The following JMY variants were observed in gnomAD, a reference collection of about 807,000 sequenced individuals.
The protein encoded by JMY is junction mediating and regulatory protein, p53 cofactor, also known as junction-mediating and -regulatory protein.
JMY carries 46 observed loss-of-function variants against 103.3 expected under a neutral mutation model. The ratio of observed to expected loss-of-function variants is 0.45; its 90% CI spans 0.35 to 0.57. The LOEUF (loss-of-function observed/expected upper bound fraction) is 0.57, where lower values mean the gene tolerates loss of function less well. Ranked by LOEUF, JMY falls within the 20% of genes least tolerant of loss-of-function variation. JMY has a pLI of 0.00. For synonymous variants in JMY, 526 were observed against 489.3 expected, an observed-to-expected ratio of 1.07 and a Z score of -0.99; for missense variants, 1,238 against 1,255.2, an observed-to-expected ratio of 0.99 and a Z score of 0.21.
intron 1 of JMY, among the ~76,000 whole-genome samples, chr5:79,262,211 C>G (rs1201908052): frequency 6.6e-6 from 1 of 152,194 alleles, no homozygotes; most frequent in African/African-American, 2.4e-5. Flanking sequence ...ATGCATCTTT[C>G]ACATTTTAGG....
Position 79,300,680 on chromosome 5 carries a change from A to G in JMY, c.1698A>G (p.Lys566=). The G allele has an allele frequency of 6.3e-7, 1 of 1,588,746 alleles. No homozygotes were observed. The highest frequency in any genetic ancestry group is 1.2e-5 in the South Asian group (1 of 85,762). ...TTTTTTGCTGTTCTGTAACAGAAAA[A>G]AGAGATGAAGTGGTATACTATGACA... ...LESIKRLISE[K]RDEVVYYDTY... Residue 566 remains lysine, a synonymous_variant, in exon 6 of 11, where the codon AAA becomes AAG. Transcript: ENST00000396137.
At chr5:79,254,516 A>G (rs1026385346) in intron 1 of JMY, among the ~76,000 whole-genome samples, 9 of 152,324 alleles carry the variant, frequency 5.9e-5, no homozygotes, top group Middle Eastern at 3.4e-3. Context: ...GTCTGCTACC[A>G]GATGTATTGG....
intron 1 of JMY, among the ~76,000 whole-genome samples, chr5:79,239,651 A>G (rs999385799): frequency 1.3e-5 from 2 of 151,946 alleles, no homozygotes; most frequent in Non-Finnish European, 2.9e-5. Flanking sequence ...CTAAAAATAC[A>G]AAAGAAAAAA....
Position 79,236,843 on chromosome 5 carries a change from C to T in JMY, c.193C>T (p.Arg65Ter). 1 of 1,450,614 alleles carries T rather than the reference C, an allele frequency of 6.9e-7. No homozygotes were observed. Among genetic ancestry groups the T allele is most frequent in the Non-Finnish European group, 9.1e-7 (1 of 1,095,796 alleles). The allele number at this position is 1,450,614 out of a possible 1,614,324, so 89.9% of individuals were successfully genotyped here. The change falls in exon 1 of 11, where the codon CGA becomes TGA. Residue 65 changes from arginine to a stop codon, truncating the protein, a stop_gained. Transcript: ENST00000396137. LOFTEE classifies it high-confidence loss of function. ...RSGSREQAGA[R>*]GGAEAGGAAS... The stretch of plus-strand genomic sequence containing the variant: ...CGGCTCCCGGGAGCAAGCGGGGGCG[C>T]GAGGGGGCGCCGAGGCCGGCGGAGC...
At chr5:79,239,821 AGAAAAG>A (rs372188153) in intron 1 of JMY, among the ~76,000 whole-genome samples, 11 of 150,498 alleles carry the variant, frequency 7.3e-5, no homozygotes, top group African/African-American at 2.4e-4. Context: ...AAAAAAAAAA[AGAAAAG>A]AAAAAGAAAA....
At chr5:79,257,653 G>A (rs1390370339) in intron 1 of JMY, among the ~76,000 whole-genome samples, 2 of 152,128 alleles carry the variant, frequency 1.3e-5, no homozygotes, top group Non-Finnish European at 2.9e-5. Flanking sequence ...AAATCAAAGA[G>A]GCTTTATGTT....
intron 2 of JMY, among the ~76,000 whole-genome samples, chr5:79,280,959 A>C (rs1746088470): frequency 6.6e-6 from 1 of 151,768 alleles, no homozygotes; most frequent in African/African-American, 2.4e-5. Flanking sequence ...AGCAAGTATA[A>C]TTGATTAGCA....
At position 79,322,779 on chromosome 5, in the gene JMY, AT is replaced by A. The variant is rs1747500345; in HGVS notation, c.*1178del. The A allele has an allele frequency of 6.6e-6, 1 of 152,208 alleles. No homozygotes were observed. The highest frequency in any genetic ancestry group is 1.5e-5 in the Non-Finnish European group (1 of 68,038). The allele number at this position is 152,208 out of a possible 1,614,324, so 9.4% of individuals were successfully genotyped here. Reference sequence around the variant, plus strand: ...TTGTTGTGGGCTTGAATACATGTAGATCATTGGACTCAGTGTGCAGTACCCT... The same window carrying A: ...TTGTTGTGGGCTTGAATACATGTAGACATTGGACTCAGTGTGCAGTACCCT... On this transcript the variant is annotated 3_prime_UTR_variant, in exon 11 of 11. Coordinates refer to ENST00000396137, the MANE Select transcript of JMY (RefSeq NM_152405.5).
chr5:79,243,681 A>G (rs1488404716), intron 1 of JMY, among the ~76,000 whole-genome samples: 1 of 152,212 alleles, frequency 6.6e-6, no homozygotes, highest in Non-Finnish European at 1.5e-5. Context: ...AGAATAATGA[A>G]ACTAAGTGAA....
chr5:79,272,800 A>G (rs951460031), intron 1 of JMY, among the ~76,000 whole-genome samples: 1 of 152,052 alleles, frequency 6.6e-6, no homozygotes, highest in Non-Finnish European at 1.5e-5. Flanking sequence ...TGCTTGGCTA[A>G]TTTTTGTATT....
chr5:79,250,650 C>CTTTTTTTTTTTTTT, intron 1 of JMY, among the ~76,000 whole-genome samples: 1 of 122,738 alleles, frequency 8.1e-6, no homozygotes, highest in Non-Finnish European at 1.7e-5. Context: ...AATTATTTTT[C>CTTTTTTTTTTTTTT]TTTTTTTTTT....
chr5:79,303,963 A>G (rs1037288116), intron 6 of JMY, among the ~76,000 whole-genome samples: 1 of 152,214 alleles, frequency 6.6e-6, no homozygotes, highest in Non-Finnish European at 1.5e-5. Flanking sequence ...CTTGGTGACC[A>G]TGGCCCACAG....
In JMY at chr5:79,316,214, G is replaced by A; in HGVS notation, c.2874G>A (p.Arg958=). 3.1e-6 allele frequency: 5 copies of A among 1,614,092 alleles called. No homozygotes were observed. The highest frequency in any genetic ancestry group is 4.2e-6 in the Non-Finnish European group (5 of 1,179,984). Residue 958 remains arginine (R), a synonymous_variant, in exon 10 of 11, where the codon CGG becomes CGA. Coordinates refer to ENST00000396137, the MANE Select transcript of JMY (RefSeq NM_152405.5). Reference sequence around the variant, plus strand: ...TACCCGATACAGACCCTCTAACACGGAGCATCCATGAAGCTCTTAGAAGAA... The same window carrying A: ...TACCCGATACAGACCCTCTAACACGAAGCATCCATGAAGCTCTTAGAAGAA... ...TLLPDTDPLT[R]SIHEALRRIK... is the part of the protein sequence containing the mutation.
intron 1 of JMY, among the ~76,000 whole-genome samples, chr5:79,277,103 TCTAAAAGAACC>T (rs978318917): frequency 1.3e-5 from 2 of 152,088 alleles, no homozygotes; most frequent in African/African-American, 4.8e-5. Context: ...ATTCTTTGTC[TCTAAAAGAACC>T]ATGGGGAAAA....
At chr5:79,263,841 A>G (rs1431422021) in intron 1 of JMY, among the ~76,000 whole-genome samples, 1 of 150,802 alleles carries the variant, frequency 6.6e-6, no homozygotes, top group Non-Finnish European at 1.5e-5. Context: ...CTTGTCGCCC[A>G]GGCTGGAGTG....
At chr5:79,300,070 C>T (rs1746686199) in intron 4 of JMY, 83 bp from the exon 5 acceptor site, 4 of 1,096,602 alleles carry the variant, frequency 3.6e-6, no homozygotes, top group Non-Finnish European at 5.5e-6. Context: ...TTTATGCTAT[C>T]TGATTAGTAT....
intron 1 of JMY, among the ~76,000 whole-genome samples, chr5:79,258,334 A>T: frequency 8.3e-6 from 1 of 120,050 alleles, no homozygotes; most frequent in South Asian, 2.9e-4. Context: ...TTTTTTTGAC[A>T]GGGTCTCCCT....
chr5:79,296,447 C>T (rs1401739564), intron 4 of JMY, among the ~76,000 whole-genome samples: 2 of 152,092 alleles, frequency 1.3e-5, no homozygotes, highest in Admixed American at 1.3e-4. Context: ...GAAAACTTGC[C>T]CTTAACATCA....
At chr5:79,321,190 C>T (rs573318232) in intron 10 of JMY, among the ~76,000 whole-genome samples, 2 of 151,538 alleles carry the variant, frequency 1.3e-5, no homozygotes, top group South Asian at 4.2e-4. Flanking sequence ...ATCTTAAGCA[C>T]AACACTTTTC....
Sources: gnomAD v4.1 joint callset for allele counts (sites outside exome capture counted in the v4.1 genomes callset) on GRCh38, gnomAD v4.1.1 for gene constraint, MANE v1.5 for transcripts, NCBI Gene and HGNC (gene_info 2026-07-23, HGNC 2026-07-21) for gene names.